TRIM29: variants seen among roughly 807,000 people sequenced by gnomAD.
The protein encoded by TRIM29 is tripartite motif-containing protein 29.
TRIM29 carries 52 observed loss-of-function variants against 57.3 expected under a neutral mutation model. The ratio of observed to expected loss-of-function variants is 0.91; its 90% CI spans 0.73 to 1.14. The LOEUF is 1.14. TRIM29 is among the 50% of genes most tolerant of loss of function. The pLI is 0.00. For synonymous variants in TRIM29, 319 were observed against 316.9 expected (o/e 1.01, Z -0.07); for missense variants, 753 against 774.6 (o/e 0.97, Z 0.33).
intron 1 of TRIM29, among the ~76,000 whole-genome samples, chr11:120,132,641 C>A (rs1463748159): frequency 6.6e-6 from 1 of 152,244 alleles, no homozygotes; most frequent in East Asian, 1.9e-4. Context: ...GGTGTACCTG[C>A]ACTGGCTCCA....
intron 8 of TRIM29, among the ~76,000 whole-genome samples, chr11:120,113,166 C>G (rs1211923684): frequency 6.6e-6 from 1 of 152,144 alleles, no homozygotes; most frequent in Non-Finnish European, 1.5e-5. Context: ...CAACACGGTC[C>G]CAGGCTCCCC....
rs1863327264 is a variant in TRIM29 at position 120,118,167 on chromosome 11, T to C, written c.1627+56A>G. ...CTCAGCGAAGAGACCCAAGCAGGGC[T>C]TGGGAGGTGTGAGGCAGCTGTGGAG... On this transcript the variant is annotated intron_variant, in intron 7 of 8. Transcript: ENST00000341846. 2.0e-6 allele frequency: 3 copies of C among 1,500,602 alleles called. No homozygotes were observed. The African/African-American group carries it at 4.2e-5, about 21-fold the overall frequency. The allele number at this position is 1,500,602 out of a possible 1,614,324, so 93.0% of individuals were successfully genotyped here.
At chr11:120,121,861 G>C (rs1190124643) in intron 5 of TRIM29, 1 of 394,400 alleles carries the variant, frequency 2.5e-6, no homozygotes, top group African/African-American at 2.1e-5. Context: ...GAGACAGGAG[G>C]GACAGGGCCA....
At chr11:120,134,487 G>A (rs1019569044) in intron 1 of TRIM29, among the ~76,000 whole-genome samples, 2 of 152,142 alleles carry the variant, frequency 1.3e-5, no homozygotes, top group Middle Eastern at 3.2e-3. Context: ...ATTCACTTTG[G>A]CCCATCTACC....
intron 2 of TRIM29, among the ~76,000 whole-genome samples, chr11:120,127,795 C>CT (rs1315180735): frequency 6.6e-6 from 1 of 152,146 alleles, no homozygotes; most frequent in Middle Eastern, 3.2e-3. Context: ...TCTTATCTAC[C>CT]TGTGGCTCCT....
At chr11:120,126,095 G>A (rs1344204099) in intron 3 of TRIM29, 6 of 583,572 alleles carry the variant, frequency 1.0e-5, no homozygotes, top group African/African-American at 1.9e-5. Flanking sequence ...CTAGCGTTCA[G>A]ATGTGTGACT....
chr11:120,129,698 A>G (rs760996590), intron 1 of TRIM29, among the ~76,000 whole-genome samples: 1 of 151,682 alleles, frequency 6.6e-6, no homozygotes, highest in Non-Finnish European at 1.5e-5. Flanking sequence ...CACCCGGGGA[A>G]GTGGATCCGA....
intron 1 of TRIM29, among the ~76,000 whole-genome samples, chr11:120,132,822 G>A (rs577462976): frequency 1.3e-5 from 2 of 152,282 alleles, no homozygotes; most frequent in Non-Finnish European, 2.9e-5. Flanking sequence ...ATTTCCACTC[G>A]GACGTAAAAC....
At chr11:120,128,842 C>T (rs1183102978) in intron 1 of TRIM29, 22 of 1,507,148 alleles carry the variant, frequency 1.5e-5, no homozygotes, top group Non-Finnish European at 1.8e-5. Context: ...TTTCAGTGGA[C>T]CTGGGGACAA....
Position 120,137,973 on chromosome 11 carries a change from CG to C in TRIM29, c.58del (p.Arg20GlyfsTer41). 1 of 1,605,370 alleles carries C rather than the reference CG, an allele frequency of 6.2e-7. No homozygotes were observed. On this transcript the variant is annotated frameshift_variant, in exon 1 of 9. Coordinates refer to ENST00000341846, the MANE Select transcript of TRIM29 (RefSeq NM_012101.4). LOFTEE classifies it high-confidence loss of function. This position sits in a 1 kb window ranked among gnomAD's most constrained non-coding sequence, Gnocchi z 6.2. ...NGSSPEARDA[R>X]SPSGPSGSLE... ...GCTGCCACTGGGGCCCGACGGGCTC[CG>C]GGCATCCCTGGCTTCTGGGCTCGAC...
rs145908763 is a variant in TRIM29 at position 120,120,610 on chromosome 11, G to T, written c.1491C>A (p.Thr497=). 366 of 1,613,726 alleles carry T rather than the reference G, an allele frequency of 2.3e-4. 2 individuals are homozygous for T. The African/African-American group carries it at 4.3e-3, about 19-fold the overall frequency. Residue 497 remains threonine (T), a synonymous_variant, in exon 6 of 9, where the codon ACC becomes ACA. Transcript: ENST00000341846. The part of the protein sequence containing the change: ...PSSPGRFTKE[T]TQKNFNNLYG... Reference sequence around the variant, plus strand: ...AGAGATTGTTGAAATTCTTCTGGGTGGTCTCCTTGGTGAAGCGGCCAGGAG... The same window carrying T: ...AGAGATTGTTGAAATTCTTCTGGGTTGTCTCCTTGGTGAAGCGGCCAGGAG...
At chr11:120,124,431 G>C (rs569717606) in intron 4 of TRIM29, 1 of 152,534 alleles carries the variant, frequency 6.6e-6, no homozygotes, top group East Asian at 1.9e-4. Flanking sequence ...GGGCATGGGA[G>C]ACTGAACAGC....
In TRIM29 at chr11:120,111,905, G is replaced by A. The variant is rs1284119654; in HGVS notation, c.*509C>T. ...TGATAGGTAGGACGAGAGAGAGCAC[G>A]TAGGGCCAGTCCTCTGGGAAGCAGG... On this transcript the variant is annotated 3_prime_UTR_variant, in exon 9 of 9. Coordinates refer to ENST00000341846, the MANE Select transcript of TRIM29 (RefSeq NM_012101.4). The A allele has an allele frequency of 4.2e-5, 7 of 168,088 alleles. No homozygotes were observed. The highest frequency in any genetic ancestry group is 1.9e-4 in the East Asian group (1 of 5,306). 10.4% of individuals were successfully genotyped at this position (168,088 alleles called of 1,614,324 possible).
chr11:120,136,776 C>CT (rs1863821570), intron 1 of TRIM29, among the ~76,000 whole-genome samples: 1 of 131,520 alleles, frequency 7.6e-6, no homozygotes, highest in East Asian at 2.2e-4. Flanking sequence ...GAGGAATTAT[C>CT]TCTTCTTCAA....
chr11:120,135,048 C>A (rs942406291), intron 1 of TRIM29, among the ~76,000 whole-genome samples: 1 of 152,176 alleles, frequency 6.6e-6, no homozygotes, highest in African/African-American at 2.4e-5. Flanking sequence ...GTGAGTCCCT[C>A]AGCGGCCCCC....
intron 7 of TRIM29, chr11:120,117,938 A>T: frequency 4.5e-6 from 2 of 448,062 alleles, no homozygotes; most frequent in South Asian, 2.2e-5. Flanking sequence ...TGCAGGGGGT[A>T]TGGCATGTCC....
Position 120,117,953 on chromosome 11 carries a change from G to C in TRIM29, c.1627+270C>G, listed in dbSNP as rs1863319156. On this transcript the variant is annotated intron_variant, in intron 7 of 8. Coordinates refer to ENST00000341846, the MANE Select transcript of TRIM29 (RefSeq NM_012101.4). ...TGCAGGGGGTATGGCATGTCCCCCGGTCCTGACCACTGAGAGCTGTTGTTG... is the reference window on the plus strand; with the variant it reads ...TGCAGGGGGTATGGCATGTCCCCCGCTCCTGACCACTGAGAGCTGTTGTTG... 9 of 494,110 alleles carry C rather than the reference G, an allele frequency of 1.8e-5. No individual in the cohort carries two copies. In the South Asian group the frequency reaches 1.9e-4, roughly 10 times the overall value. The allele number at this position is 494,110 out of a possible 1,614,324, so 30.6% of individuals were successfully genotyped here.
At position 120,112,121 on chromosome 11, in the gene TRIM29, C is replaced by G; in HGVS notation, c.*293G>C. The G allele has an allele frequency of 2.6e-6, 1 of 381,324 alleles. No individual in the cohort carries two copies. Among genetic ancestry groups the G allele is most frequent in the South Asian group, 2.5e-5 (1 of 39,886 alleles). 23.6% of individuals were successfully genotyped at this position (381,324 alleles called of 1,614,324 possible). On this transcript the variant is annotated 3_prime_UTR_variant, in exon 9 of 9. Coordinates refer to ENST00000341846, the MANE Select transcript of TRIM29 (RefSeq NM_012101.4). ...ATCCAGCCCGAGAGGAGGAGGCTGG[C>G]GGGTTAGGGCAGGCCCCAACCTATC...
intron 6 of TRIM29, among the ~76,000 whole-genome samples, chr11:120,120,181 T>A (rs12419409): frequency 2.0e-5 from 1 of 49,122 alleles, no homozygotes; most frequent in South Asian, 3.6e-4. Context: ...GTGGGGGGGG[T>A]GGCGCATTCC....
Sources: gnomAD v4.1 joint callset for allele counts (sites outside exome capture counted in the v4.1 genomes callset) on GRCh38, gnomAD v4.1.1 for gene constraint, Gnocchi (gnomAD v3.1) non-coding constraint, MANE v1.5 for transcripts, NCBI Gene and HGNC (gene_info 2026-07-23, HGNC 2026-07-21) for gene names.